Variants in OR1C1 observed in about 807,000 individuals in gnomAD.
OR1C1 encodes the protein olfactory receptor family 1 subfamily C member 1, also known as olfactory receptor 1C1.
For synonymous variants in OR1C1, 153 were observed against 154.6 expected, an observed-to-expected ratio of 0.99 and a Z score of 0.08; for missense variants, 407 against 384.3, an observed-to-expected ratio of 1.06 and a Z score of -0.49.
rs779917177 is a variant in OR1C1 at position 247,758,378 on chromosome 1, C to T, written c.29G>A (p.Arg10Lys). ...AGGAAGTCCCAGAAGGACGAATTCCCTGACAACTGTTAGATTTCTTTTTTC... is the reference window on the plus strand; with the variant it reads ...AGGAAGTCCCAGAAGGACGAATTCCTTGACAACTGTTAGATTTCTTTTTTC... The part of the protein sequence containing the change: MEKRNLTVV[R>K]EFVLLGLPSS... Residue 10 changes from arginine (R) to lysine (K), a missense_variant, in exon 2 of 2, where the codon AGG becomes AAG. By Grantham distance (26) the Arg-to-Lys change is conservative. Transcript: ENST00000641256. 1 of 1,610,124 alleles carries T rather than the reference C, an allele frequency of 6.2e-7. No homozygotes were observed. Among genetic ancestry groups the T allele is most frequent in the South Asian group, 1.1e-5 (1 of 90,766 alleles).
At position 247,758,499 on chromosome 1, in the gene OR1C1, T is replaced by A. The variant is rs896931501; in HGVS notation, c.-13-80A>T. 3 of 690,188 alleles carry A rather than the reference T, an allele frequency of 4.3e-6. No homozygotes were observed. In the African/African-American group the frequency reaches 5.4e-5, roughly 13 times the overall value. 42.8% of individuals were successfully genotyped at this position (690,188 alleles called of 1,614,324 possible). ...ATGAGAGAGAGACAGTGTGTGTGTG[T>A]GTGTGTGTGTGTGTGTGTGCATGCG... On this transcript the variant is annotated intron_variant, in intron 1 of 1. Coordinates refer to ENST00000641256, the MANE Select transcript of OR1C1 (RefSeq NM_012353.3).
In OR1C1 at chr1:247,757,425, A is replaced by G; in HGVS notation, c.*37T>C. The G allele has an allele frequency of 6.7e-7, 1 of 1,482,286 alleles. No individual in the cohort carries two copies. Among genetic ancestry groups the G allele is most frequent in the Non-Finnish European group, 9.3e-7 (1 of 1,076,084 alleles). The allele number at this position is 1,482,286 out of a possible 1,614,324, so 91.8% of individuals were successfully genotyped here. A position where few individuals can be genotyped will look rare whatever the true frequency, so the allele number is the denominator to read the frequency against. ...GAGCATCTAGTCACACTTTCTTATC[A>G]CCACATTAGTATTATTTAATTCAGT... On this transcript the variant is annotated 3_prime_UTR_variant, in exon 2 of 2. Transcript: ENST00000641256.
In OR1C1 at chr1:247,756,761, G is replaced by A. The variant is rs528629022; in HGVS notation, c.*701C>T. On this transcript the variant is annotated 3_prime_UTR_variant, in exon 2 of 2. Transcript: ENST00000641256. The surrounding 1 kb of genome is among the most constrained non-coding windows in gnomAD (Gnocchi z 4.3). Reference sequence around the variant, plus strand: ...TTAATGTATTCCCCATATGAAAAATGCAGCTGAGAACCTGATCTCTTCTCT... The same window carrying A: ...TTAATGTATTCCCCATATGAAAAATACAGCTGAGAACCTGATCTCTTCTCT... 2.0e-5 allele frequency: 3 copies of A among 152,272 alleles called. No homozygotes were observed. The East Asian group carries it at 5.8e-4, about 29-fold the overall frequency. The allele number at this position is 152,272 out of a possible 1,614,324, so 9.4% of individuals were successfully genotyped here.
rs918858585 is a variant in OR1C1, at chr1:247,757,235, C to T, written c.*227G>A. ...TTATCAGCTATGGGTTGTATGCAGA[C>T]TATTTAACTTCCCTAAGATTCACTT... On this transcript the variant is annotated 3_prime_UTR_variant, in exon 2 of 2. Coordinates refer to ENST00000641256, the MANE Select transcript of OR1C1 (RefSeq NM_012353.3). The T allele has an allele frequency of 6.1e-6, 3 of 492,144 alleles. No homozygotes were observed. The highest frequency in any genetic ancestry group is 3.8e-5 in the African/African-American group (2 of 52,100). 30.5% of individuals were successfully genotyped at this position (492,144 alleles called of 1,614,324 possible).
Position 247,758,119 on chromosome 1 carries a change from G to A in OR1C1, c.288C>T (p.Gly96=), listed in dbSNP as rs760761294. The A allele has an allele frequency of 6.2e-7, 1 of 1,614,116 alleles. No individual in the cohort carries two copies. Among genetic ancestry groups the A allele is most frequent in the South Asian group, 1.1e-5 (1 of 91,072 alleles). The change falls in exon 2 of 2, where the codon GGC becomes GGT. Residue 96 remains glycine, a synonymous_variant. Coordinates refer to ENST00000641256, the MANE Select transcript of OR1C1 (RefSeq NM_012353.3). ...CGAAGAAGAAGAGCTGGGTGAGGCA[G>A]CCTGCAAAAGAGATAGTCTTGGTGC... ...LTGTKTISFA[G]CLTQLFFFVS...
In OR1C1 at chr1:247,757,653, A is replaced by C. The variant is rs1226310515; in HGVS notation, c.754T>G (p.Tyr252Asp). The C allele has an allele frequency of 6.2e-7, 1 of 1,613,992 alleles. No individual in the cohort carries two copies. Among genetic ancestry groups the C allele is most frequent in the East Asian group, 2.2e-5 (1 of 44,894 alleles). ...SCHLSVVVLF[Y>D]GTAIAVYFSP... ...AAATAGACGGCGATGGCTGTGCCGTAAAACAACACCACCACTGACAGGTGG... is the reference window on the plus strand; with the variant it reads ...AAATAGACGGCGATGGCTGTGCCGTCAAACAACACCACCACTGACAGGTGG... Residue 252 changes from tyrosine (Y) to aspartate (D), a missense_variant, in exon 2 of 2, where the codon TAC becomes GAC. Transcript: ENST00000641256.
At position 247,758,317 on chromosome 1, in the gene OR1C1, G is replaced by T. The variant is rs750123000; in HGVS notation, c.90C>A (p.Leu30=). 18 of 1,613,778 alleles carry T rather than the reference G, an allele frequency of 1.1e-5. No homozygotes were observed. The highest frequency in any genetic ancestry group is 1.5e-5 in the Non-Finnish European group (18 of 1,179,856). The change falls in exon 2 of 2, where the codon CTC becomes CTA. Residue 30 remains leucine, a synonymous_variant. Transcript: ENST00000641256. ...TGGTGGCTAAATACATACAGAGAAA[G>T]AGCACAGACAGGAGGTGCTGCTGCT... The part of the protein sequence containing the change: ...SAEQQHLLSV[L]FLCMYLATTL...
In OR1C1 at chr1:247,757,670, G is replaced by A; in HGVS notation, c.737C>T (p.Ser246Leu). 1.2e-6 allele frequency: 2 copies of A among 1,614,048 alleles called. No homozygotes were observed. The highest frequency in any genetic ancestry group is 2.2e-5 in the South Asian group (2 of 91,074). The change falls in exon 2 of 2, where the codon TCA becomes TTA. Residue 246 changes from serine to leucine, a missense_variant. Transcript: ENST00000641256. The stretch of plus-strand genomic sequence containing the variant: ...TGTGCCGTAAAACAACACCACCACT[G>A]ACAGGTGGCAGCTGCAGGTGGAAAC... ...RAVSTCSCHL[S>L]VVVLFYGTAI...
Position 247,756,586 on chromosome 1 carries a change from G to C in OR1C1, c.*876C>G, listed in dbSNP as rs1007151942. On this transcript the variant is annotated 3_prime_UTR_variant, in exon 2 of 2. Coordinates refer to ENST00000641256, the MANE Select transcript of OR1C1 (RefSeq NM_012353.3). The surrounding 1 kb of genome is among the most constrained non-coding windows in gnomAD (Gnocchi z 4.3). ...ATAGGTTGAATAAACAATTAGATTG[G>C]ATTGGATGGTTAATATCTTAAATGG... 1.3e-5 allele frequency: 2 copies of C among 152,106 alleles called. No homozygotes were observed. The highest frequency in any genetic ancestry group is 4.8e-5 in the African/African-American group (2 of 41,430). The allele number at this position is 152,106 out of a possible 1,614,324, so 9.4% of individuals were successfully genotyped here.
At position 247,758,476 on chromosome 1, in the gene OR1C1, G is replaced by A. The variant is rs545241543; in HGVS notation, c.-13-57C>T. ...CAGCAGTGTTAAGTCTCTTATTCATGAGAGAGAGACAGTGTGTGTGTGTGT... is the reference window on the plus strand; with the variant it reads ...CAGCAGTGTTAAGTCTCTTATTCATAAGAGAGAGACAGTGTGTGTGTGTGT... On this transcript the variant is annotated intron_variant, in intron 1 of 1. Transcript: ENST00000641256. 37 of 831,168 alleles carry A rather than the reference G, an allele frequency of 4.5e-5. 1 individual carries two copies. In the South Asian group the frequency reaches 6.1e-4, roughly 14 times the overall value. The allele number at this position is 831,168 out of a possible 1,614,324, so 51.5% of individuals were successfully genotyped here.
In OR1C1 at chr1:247,757,888, G is replaced by A. The variant is rs370826315; in HGVS notation, c.519C>T (p.Ile173=). Residue 173 remains isoleucine, a synonymous_variant, in exon 2 of 2, where the codon ATC becomes ATT. Transcript: ENST00000641256. ...IAQLSFCASN[I]IHHFFCDLNP... ...TGAGATCACAGAAGAAATGATGGAT[G>A]ATATTGGAGGCACAGAAGGACAGCT... 1.2e-6 allele frequency: 2 copies of A among 1,614,056 alleles called. No homozygotes were observed. The highest frequency in any genetic ancestry group is 8.5e-7 in the Non-Finnish European group (1 of 1,179,988).
rs568157426 is a variant in OR1C1 at position 247,755,460 on chromosome 1, C to CA, written c.*2001dup. ...ATAAGGAGTTCAAATAACTCAGTAG[C>CA]AAAAAACTGCCAAATAACACAATTT... On this transcript the variant is annotated 3_prime_UTR_variant, in exon 2 of 2. Transcript: ENST00000641256. The CA allele has an allele frequency of 5.3e-5, 8 of 152,054 alleles. No homozygotes were observed. In the East Asian group the frequency reaches 9.7e-4, roughly 18 times the overall value. The allele number at this position is 152,054 out of a possible 1,614,324, so 9.4% of individuals were successfully genotyped here.
At chr1:247,759,150 G>A (rs1370499255) in intron 1 of OR1C1, among the ~76,000 whole-genome samples, 2 of 152,130 alleles carry the variant, frequency 1.3e-5, no homozygotes, top group East Asian at 1.9e-4. Flanking sequence ...ACTTCTTGAC[G>A]TCCCTCACTG....
rs759702795 is a variant in OR1C1, at chr1:247,755,317, TTAAAC to T, written c.*2140_*2144del. The T allele has an allele frequency of 5.9e-5, 9 of 152,060 alleles. No homozygotes were observed. The highest frequency in any genetic ancestry group is 1.3e-4 in the Non-Finnish European group (9 of 67,982). 9.4% of individuals were successfully genotyped at this position (152,060 alleles called of 1,614,324 possible). On this transcript the variant is annotated 3_prime_UTR_variant, in exon 2 of 2. Coordinates refer to ENST00000641256, the MANE Select transcript of OR1C1 (RefSeq NM_012353.3). ...ACTAAAATTAACAAGCGCTAGTAAA[TTAAAC>T]TAAAAGTCTTTTACAGCAAAGGTAA...
At position 247,757,650 on chromosome 1, in the gene OR1C1, C is replaced by A. The variant is rs376185600; in HGVS notation, c.757G>T (p.Gly253Cys). Residue 253 changes from glycine (G) to cysteine (C), a missense_variant, in exon 2 of 2, where the codon GGC (glycine) becomes TGC (cysteine). Coordinates refer to ENST00000641256, the MANE Select transcript of OR1C1 (RefSeq NM_012353.3). ...CTGAAATAGACGGCGATGGCTGTGC[C>A]GTAAAACAACACCACCACTGACAGG... ...CHLSVVVLFY[G>C]TAIAVYFSPS... The A allele has an allele frequency of 3.7e-6, 6 of 1,613,932 alleles. No homozygotes were observed. Among genetic ancestry groups the A allele is most frequent in the Non-Finnish European group, 4.2e-6 (5 of 1,180,016 alleles).
In OR1C1 at chr1:247,758,068, G is replaced by A. The variant is rs1661256168; in HGVS notation, c.339C>T (p.Leu113=). 6.2e-7 allele frequency: 1 copy of A among 1,614,110 alleles called. No individual in the cohort carries two copies. The highest frequency in any genetic ancestry group is 8.5e-7 in the Non-Finnish European group (1 of 1,180,024). ...FFVSFVNMDS[L]LLCVMAYDRY... ...TATCATACGCCATCACACACAGAAG[G>A]AGGCTGTCCATATTCACAAAAGAAA... Residue 113 remains leucine, a synonymous_variant, in exon 2 of 2, where the codon CTC becomes CTT. Coordinates refer to ENST00000641256, the MANE Select transcript of OR1C1 (RefSeq NM_012353.3).
rs937075585 is a variant in OR1C1 at position 247,755,801 on chromosome 1, T to G, written c.*1661A>C. 2 of 152,178 alleles carry G rather than the reference T, an allele frequency of 1.3e-5. No individual in the cohort carries two copies. Among genetic ancestry groups the G allele is most frequent in the African/African-American group, 4.8e-5 (2 of 41,448 alleles). 9.4% of individuals were successfully genotyped at this position (152,178 alleles called of 1,614,324 possible). A position where few individuals can be genotyped will look rare whatever the true frequency, so the allele number is the denominator to read the frequency against. Reference sequence around the variant, plus strand: ...TACTGTACGATCCAGCAATCACTATTGGGTATACATCCAAGAGAAATGAAA... The same window carrying G: ...TACTGTACGATCCAGCAATCACTATGGGGTATACATCCAAGAGAAATGAAA... On this transcript the variant is annotated 3_prime_UTR_variant, in exon 2 of 2. Coordinates refer to ENST00000641256, the MANE Select transcript of OR1C1 (RefSeq NM_012353.3).
rs976585461 is a variant in OR1C1 at position 247,756,917 on chromosome 1, A to G, written c.*545T>C. On this transcript the variant is annotated 3_prime_UTR_variant, in exon 2 of 2. Transcript: ENST00000641256. This position sits in a 1 kb window ranked among gnomAD's most constrained non-coding sequence, Gnocchi z 4.3. ...AGTTAGGGACACACATGACAAGGACATGTGTCAATAGAATAAAATCATTGA... is the reference window on the plus strand; with the variant it reads ...AGTTAGGGACACACATGACAAGGACGTGTGTCAATAGAATAAAATCATTGA... 6.5e-6 allele frequency: 1 copy of G among 153,640 alleles called. No individual in the cohort carries two copies. Among genetic ancestry groups the G allele is most frequent in the African/African-American group, 2.4e-5 (1 of 41,466 alleles). The allele number at this position is 153,640 out of a possible 1,614,324, so 9.5% of individuals were successfully genotyped here. A position where few individuals can be genotyped will look rare whatever the true frequency, so the allele number is the denominator to read the frequency against.
intron 1 of OR1C1, chr1:247,758,731 A>T (rs1203904616): frequency 4.5e-6 from 1 of 224,162 alleles, no homozygotes; most frequent in Non-Finnish European, 8.9e-6. Flanking sequence ...TGCCTACAGT[A>T]ACCACAAAAT....
Sources: allele counts gnomAD v4.1 joint callset (sites outside exome capture counted in the v4.1 genomes callset), GRCh38; gene constraint gnomAD v4.1.1; non-coding constraint Gnocchi (gnomAD v3.1); transcripts MANE v1.5; gene names NCBI Gene and HGNC (gene_info 2026-07-23, HGNC 2026-07-21).